NRXN3: variants seen among roughly 807,000 people sequenced by gnomAD.
NRXN3 encodes the protein neurexin III.
A neutral mutation model predicts 137.6 loss-of-function variants in NRXN3; 32 were observed. The ratio of observed to expected loss-of-function variants is 0.23; its 90% confidence interval spans 0.18 to 0.31. The LOEUF is 0.31. Among genes scored for constraint, NRXN3 ranks in the 10% least tolerant of loss-of-function variants. The pLI is 1.00. For synonymous variants in NRXN3, 798 were observed against 784.5 expected (o/e 1.02, Z -0.29); for missense variants, 1,574 against 2,062.5 (o/e 0.76, Z 4.59).
intron 8 of NRXN3, among the ~76,000 whole-genome samples, chr14:78,776,041 T>G (rs1202204615): frequency 6.6e-6 from 1 of 152,192 alleles, no homozygotes; most frequent in African/African-American, 2.4e-5. Context: ...CAATGTTATA[T>G]ATGATCCAAG....
rs58740411 is a variant in NRXN3, at chr14:79,589,550, TAAA to T, written c.3445-74211_3445-74209del. Among the ~76,000 whole-genome samples the T allele has an allele frequency of 3.2e-3, 276 of 87,020 alleles. 1 individual carries two copies. Among genetic ancestry groups the T allele is most frequent in the African/African-American group, 0.013 (260 of 20,782 alleles). The allele number at this position is 87,020 out of a possible 152,430, so 57.1% of individuals were successfully genotyped here. A position where few individuals can be genotyped will look rare whatever the true frequency, so the allele number is the denominator to read the frequency against. ...AAGAGAGAATAAGGAGTAGAATACC[TAAA>T]AAAAAAAAAAAAAAAAGGAATCAAA... On this transcript the variant is annotated intron_variant, in intron 16 of 20. Transcript: ENST00000335750.
intron 16 of NRXN3, among the ~76,000 whole-genome samples, chr14:79,568,087 G>C (rs556635800): frequency 6.6e-6 from 1 of 152,244 alleles, no homozygotes; most frequent in South Asian, 2.1e-4. Flanking sequence ...ATTAGAAAGT[G>C]ATGAGTCAAA....
intron 4 of NRXN3, among the ~76,000 whole-genome samples, chr14:78,391,736 G>A (rs905318873): frequency 2.0e-5 from 3 of 152,022 alleles, no homozygotes; most frequent in Admixed American, 1.3e-4. Flanking sequence ...GAAAAGCAAA[G>A]GAATTATTTT....
chr14:79,126,539 C>G (rs1342062490), intron 15 of NRXN3, among the ~76,000 whole-genome samples: 7 of 152,172 alleles, frequency 4.6e-5, no homozygotes, highest in East Asian at 1.9e-4. Flanking sequence ...GTTCCATGGT[C>G]TATGTGTGCC....
At chr14:79,207,087 CA>C (rs2066896079) in intron 15 of NRXN3, among the ~76,000 whole-genome samples, 3 of 152,284 alleles carry the variant, frequency 2.0e-5, no homozygotes, top group Non-Finnish European at 4.4e-5. Flanking sequence ...GGCATGCTCA[CA>C]AAAACCTGTG....
intron 17 of NRXN3, among the ~76,000 whole-genome samples, chr14:79,689,880 A>T (rs1175961522): frequency 6.6e-6 from 1 of 152,180 alleles, no homozygotes; most frequent in Non-Finnish European, 1.5e-5. Flanking sequence ...TTTGGTGTAT[A>T]TTAAATTCTA....
At chr14:79,018,163 G>A (rs1053571841) in intron 15 of NRXN3, among the ~76,000 whole-genome samples, 1 of 150,776 alleles carries the variant, frequency 6.6e-6, no homozygotes, top group Non-Finnish European at 1.5e-5. Context: ...GGGAGGCTGA[G>A]GCAGAACAGT....
rs575926154 is a variant in NRXN3, at chr14:78,313,485, T to G, written c.757+15625T>G. Among the ~76,000 whole-genome samples the G allele has an allele frequency of 1.8e-4, 19 of 102,884 alleles. No individual in the cohort carries two copies. The East Asian group carries it at 5.1e-3, about 28-fold the overall frequency. 67.5% of individuals were successfully genotyped at this position (102,884 alleles called of 152,430 possible). The stretch of plus-strand genomic sequence containing the variant: ...CCTCTGCCTTTCTTTAAATAAAGGT[T>G]TTTTTTTTTAACAAAACTTTCTCGT... On this transcript the variant is annotated intron_variant, in intron 4 of 20. Coordinates refer to ENST00000335750, the MANE Select transcript of NRXN3 (RefSeq NM_001330195.2).
At chr14:79,527,734 G>A (rs981649615) in intron 16 of NRXN3, among the ~76,000 whole-genome samples, 3 of 151,856 alleles carry the variant, frequency 2.0e-5, no homozygotes, top group South Asian at 2.1e-4. Flanking sequence ...TTAGCTGGGC[G>A]TGGTGGTGCA....
At chr14:79,282,039 G>A (rs534198119) in intron 15 of NRXN3, 1 of 151,846 alleles carries the variant, frequency 6.6e-6, no homozygotes, top group African/African-American at 2.4e-5. Flanking sequence ...GTGAAAAGAA[G>A]GGATTGCTTG....
At chr14:79,775,146 A>G (rs1041311240) in intron 19 of NRXN3, among the ~76,000 whole-genome samples, 2 of 152,164 alleles carry the variant, frequency 1.3e-5, no homozygotes, top group South Asian at 2.1e-4. Flanking sequence ...CCGTAATTCT[A>G]TGATCTATTA....
At chr14:78,873,976 C>CTTTTT (rs3034392) in intron 10 of NRXN3, among the ~76,000 whole-genome samples, 7 of 140,856 alleles carry the variant, frequency 5.0e-5, no homozygotes, top group African/African-American at 1.8e-4. Context: ...TCTTTTCTTT[C>CTTTTT]TTTTTTTTTT....
At chr14:78,753,912 A>G (rs1007311961) in intron 8 of NRXN3, 1 of 152,176 alleles carries the variant, frequency 6.6e-6, no homozygotes, top group African/African-American at 2.4e-5. Context: ...CCAAGGCTCA[A>G]AGAATAATAT....
At chr14:79,010,718 A>G (rs560382110) in intron 15 of NRXN3, among the ~76,000 whole-genome samples, 68 of 152,296 alleles carry the variant, frequency 4.5e-4, no homozygotes, top group African/African-American at 1.6e-3. Context: ...TTTTATATCA[A>G]TCTTTATGCA....
chr14:78,735,477 A>C (rs1402427772), intron 8 of NRXN3, among the ~76,000 whole-genome samples: 3 of 152,142 alleles, frequency 2.0e-5, no homozygotes, highest in African/African-American at 7.2e-5. Flanking sequence ...GTAAGCAGGT[A>C]CATGTTCCCC....
intron 16 of NRXN3, among the ~76,000 whole-genome samples, chr14:79,628,715 G>A (rs1317680589): frequency 2.0e-5 from 3 of 152,120 alleles, no homozygotes; most frequent in Non-Finnish European, 4.4e-5. Context: ...GTTGAAAGTC[G>A]AATATTAACC....
intron 17 of NRXN3, among the ~76,000 whole-genome samples, chr14:79,674,167 C>G (rs1435171585): frequency 6.6e-6 from 1 of 152,060 alleles, no homozygotes; most frequent in African/African-American, 2.4e-5. Flanking sequence ...TGCCAATAAG[C>G]TCTGCTCCCC....
intron 14 of NRXN3, among the ~76,000 whole-genome samples, chr14:78,984,523 A>C (rs901223019): frequency 1.3e-5 from 2 of 152,204 alleles, no homozygotes; most frequent in African/African-American, 2.4e-5. Context: ...TGAAACAGTC[A>C]TTTGAATCTG....
chr14:78,764,064 C>T (rs1383940660), intron 8 of NRXN3, among the ~76,000 whole-genome samples: 1 of 152,138 alleles, frequency 6.6e-6, no homozygotes, highest in Non-Finnish European at 1.5e-5. Flanking sequence ...ACAGAGCACT[C>T]AGTAACTTAC....
Sources: allele counts gnomAD v4.1 joint callset (sites outside exome capture counted in the v4.1 genomes callset), GRCh38; gene constraint gnomAD v4.1.1; transcripts MANE v1.5; gene names NCBI Gene and HGNC (gene_info 2026-07-23, HGNC 2026-07-21).